The following NFIB variants were observed in gnomAD, a reference collection of about 807,000 sequenced individuals.
NFIB encodes nuclear factor 1 B-type.
NFIB carries 11 observed loss-of-function variants against 61.5 expected under a neutral mutation model. The observed-to-expected ratio is 0.18, with a 90% CI of 0.11 to 0.30. The LOEUF (loss-of-function observed/expected upper bound fraction) is 0.30. Among genes scored for constraint, NFIB ranks in the 10% least tolerant of loss-of-function variants. NFIB has a pLI of 1.00. For missense variants in NFIB, 471 were observed against 608.9 expected (o/e 0.77, Z 2.38); for synonymous variants, 260 against 216.5 (o/e 1.20, Z -1.76).
chr9:14,221,760 T>A (rs1013747462), intron 2 of NFIB, among the ~76,000 whole-genome samples: 7 of 152,228 alleles, frequency 4.6e-5, no homozygotes, highest in African/African-American at 1.7e-4. Flanking sequence ...ATAGTATAAT[T>A]GAGCAAGCTG....
chr9:14,213,747 T>C (rs1306141194), intron 2 of NFIB, among the ~76,000 whole-genome samples: 1 of 152,208 alleles, frequency 6.6e-6, no homozygotes, highest in Non-Finnish European at 1.5e-5. Flanking sequence ...CCAGATGCAT[T>C]GCTCAGGATC....
At chr9:14,229,028 G>GA (rs777255038) in intron 2 of NFIB, among the ~76,000 whole-genome samples, 10,166 of 136,206 alleles carry the variant, frequency 0.075, 506 homozygotes, top group Non-Finnish European at 0.11. Flanking sequence ...GGTTTACAGG[G>GA]AAAAAAAAAA....
intron 2 of NFIB, among the ~76,000 whole-genome samples, chr9:14,255,697 T>TG (rs1303447292): frequency 3.3e-5 from 5 of 152,206 alleles, no homozygotes; most frequent in Non-Finnish European, 7.3e-5. Context: ...ATGAAATACT[T>TG]GGAGTGTTTA....
intron 1 of NFIB, among the ~76,000 whole-genome samples, chr9:14,346,685 A>C (rs894672656): frequency 6.6e-6 from 1 of 152,188 alleles, no homozygotes; most frequent in Non-Finnish European, 1.5e-5. Flanking sequence ...CGTTAATCCT[A>C]GACAAAATAA....
chr9:14,088,575 T>C (rs2033259989), intron 10 of NFIB, among the ~76,000 whole-genome samples: 1 of 152,114 alleles, frequency 6.6e-6, no homozygotes, highest in South Asian at 2.1e-4. Flanking sequence ...GTAAGATATA[T>C]AAACAATTAT....
intron 6 of NFIB, among the ~76,000 whole-genome samples, chr9:14,128,062 T>C (rs7034124): frequency 0.027 from 4,086 of 152,172 alleles, 118 homozygotes; most frequent in African/African-American, 0.075. Flanking sequence ...ATCTTCAAGA[T>C]GCCAAAAATA....
chr9:14,227,276 T>C (rs919359005), intron 2 of NFIB, among the ~76,000 whole-genome samples: 2 of 152,234 alleles, frequency 1.3e-5, no homozygotes, highest in African/African-American at 4.8e-5. Context: ...ATTGTCTAAA[T>C]GGATTCCCAG....
chr9:14,162,656 A>T (rs1270975875), intron 3 of NFIB, among the ~76,000 whole-genome samples: 1 of 152,142 alleles, frequency 6.6e-6, no homozygotes, highest in Admixed American at 6.6e-5. Flanking sequence ...ATTATTTCAT[A>T]AAAAGTTATT....
rs1048414711 is a variant in NFIB, at chr9:14,085,379, C to T, written c.*2930G>A. 4.5e-6 allele frequency: 1 copy of T among 224,500 alleles called. No homozygotes were observed. The highest frequency in any genetic ancestry group is 2.2e-5 in the African/African-American group (1 of 44,926). 13.9% of individuals were successfully genotyped at this position (224,500 alleles called of 1,614,324 possible). On this transcript the variant is annotated 3_prime_UTR_variant, in exon 11 of 11. Coordinates refer to ENST00000380953, the MANE Select transcript of NFIB (RefSeq NM_001190737.2). The stretch of plus-strand genomic sequence containing the variant: ...CTAGTAATGAATACACTCAATGGGA[C>T]TGGGCGGTGAGGGAAAGGCAAAATA...
chr9:14,223,584 T>C (rs1368751036), intron 2 of NFIB, among the ~76,000 whole-genome samples: 1 of 152,190 alleles, frequency 6.6e-6, no homozygotes, highest in Admixed American at 6.5e-5. Context: ...AGTTCTCCTC[T>C]TGTGCAATTC....
At chr9:14,519,730 T>C in the NFIB span, among the ~76,000 whole-genome samples, 3 of 152,170 alleles carry the variant, frequency 2.0e-5, no homozygotes, top group Admixed American at 6.5e-5. Context: ...ACAACAATCT[T>C]ACTAAGCAGA....
intron 6 of NFIB, among the ~76,000 whole-genome samples, chr9:14,138,088 T>A (rs919275778): frequency 6.6e-6 from 1 of 152,160 alleles, no homozygotes; most frequent in African/African-American, 2.4e-5. Flanking sequence ...GGGGTTCCCA[T>A]TCTACCTCTG....
intron 2 of NFIB, among the ~76,000 whole-genome samples, chr9:14,237,477 C>T (rs2053854459): frequency 6.8e-6 from 1 of 147,088 alleles, no homozygotes; most frequent in South Asian, 2.2e-4. Context: ...AGCACAAAAG[C>T]TCTTCATTAT....
chr9:14,098,713 A>G (rs1347702339), intron 10 of NFIB, among the ~76,000 whole-genome samples: 1 of 152,174 alleles, frequency 6.6e-6, no homozygotes, highest in Non-Finnish European at 1.5e-5. Flanking sequence ...CACCCAACCA[A>G]TATTTTACTC....
intron 4 of NFIB, among the ~76,000 whole-genome samples, chr9:14,154,150 A>C (rs1033239846): frequency 1.3e-5 from 2 of 152,146 alleles, no homozygotes; most frequent in Admixed American, 6.6e-5. Flanking sequence ...TTTTCAAAAT[A>C]TCTATCTGGG....
chr9:14,109,166 C>G (rs1465924371), intron 10 of NFIB, among the ~76,000 whole-genome samples: 1 of 151,952 alleles, frequency 6.6e-6, no homozygotes, highest in African/African-American at 2.4e-5. Flanking sequence ...AGTAAGTTGT[C>G]TCTTATTATT....
At chr9:14,485,195 C>A in the NFIB span, among the ~76,000 whole-genome samples, 1 of 152,162 alleles carries the variant, frequency 6.6e-6, no homozygotes, top group East Asian at 1.9e-4. Flanking sequence ...GGACAAAATT[C>A]AGTCCATAAC....
chr9:14,362,539 G>T (rs1239680198), intron 1 of NFIB: 1 of 152,164 alleles, frequency 6.6e-6, no homozygotes, highest in East Asian at 1.9e-4. Flanking sequence ...AACTGTTTTG[G>T]CAGGATAATT....
the NFIB span, among the ~76,000 whole-genome samples, chr9:14,428,902 A>G: frequency 5.3e-5 from 8 of 152,168 alleles, no homozygotes; most frequent in Admixed American, 1.3e-4. Context: ...TGGAAGAAAA[A>G]AACAGAAAGA....
Sources: gnomAD v4.1 joint callset for allele counts (sites outside exome capture counted in the v4.1 genomes callset) on GRCh38, gnomAD v4.1.1 for gene constraint, MANE v1.5 for transcripts, NCBI Gene and HGNC (gene_info 2026-07-23, HGNC 2026-07-21) for gene names.